The following LRIG3 variants were observed in gnomAD, a reference collection of about 807,000 sequenced individuals.
The protein encoded by LRIG3 is leucine-rich repeats and immunoglobulin-like domains protein 3.
In LRIG3, 76 loss-of-function variants were observed where a neutral mutation model predicts 114.5. The ratio of observed to expected loss-of-function variants is 0.66; its 90% CI spans 0.55 to 0.80. The LOEUF is 0.80. Among genes scored for constraint, LRIG3 ranks in the 30% least tolerant of loss-of-function variants. LRIG3 has a pLI of 0.00. For synonymous variants in LRIG3, 512 were observed against 519.8 expected, an observed-to-expected ratio of 0.98 and a Z score of 0.20; for missense variants, 1,239 against 1,382.8, an observed-to-expected ratio of 0.90 and a Z score of 1.65.
chr12:58,884,957 T>G (rs994489219), intron 10 of LRIG3, among the ~76,000 whole-genome samples: 1 of 152,208 alleles, frequency 6.6e-6, no homozygotes, highest in Non-Finnish European at 1.5e-5. Flanking sequence ...TTGGTTCCCT[T>G]AGTTAAAACA....
chr12:58,889,108 G>T (rs866117504), intron 5 of LRIG3, 146 bp from the exon 6 acceptor site: 3 of 781,300 alleles, frequency 3.8e-6, no homozygotes, highest in Admixed American at 3.0e-5. Flanking sequence ...TTATTGCAAA[G>T]AATTTCAATT....
chr12:58,895,862 T>C (rs1053062292), intron 3 of LRIG3, among the ~76,000 whole-genome samples: 2 of 152,166 alleles, frequency 1.3e-5, no homozygotes, highest in African/African-American at 2.4e-5. Flanking sequence ...ACACTTCCTC[T>C]GGTTTCCAGG....
At chr12:58,903,465 G>A (rs1245091945) in intron 3 of LRIG3, among the ~76,000 whole-genome samples, 1 of 152,050 alleles carries the variant, frequency 6.6e-6, no homozygotes, top group Non-Finnish European at 1.5e-5. Flanking sequence ...CTGGATATTA[G>A]CCCTTTGTCA....
chr12:58,876,906 G>C (rs1385107470), intron 15 of LRIG3, among the ~76,000 whole-genome samples: 2 of 152,218 alleles, frequency 1.3e-5, no homozygotes, highest in Non-Finnish European at 2.9e-5. Context: ...TCATGGGACA[G>C]TATCTAAGCT....
chr12:58,876,484 A>C lies in LRIG3; in HGVS notation c.2656T>G (p.Ser886Ala), dbSNP rs1012794883. 3.1e-6 allele frequency: 5 copies of C among 1,614,026 alleles called. No homozygotes were observed. ...TGTGGTAAGAAAAATCCAGCACCTGAAGATGTGACAAACTGGTGGTGGCTT... is the reference window on the plus strand; with the variant it reads ...TGTGGTAAGAAAAATCCAGCACCTGCAGATGTGACAAACTGGTGGTGGCTT... Reference protein sequence around the residue: ...SGSHHQFVTSSGAGFFLPQHD... With the variant: ...SGSHHQFVTSAGAGFFLPQHD... Residue 886 changes from serine to alanine, a missense_variant, in exon 16 of 19, where the codon TCA (serine) becomes GCA (alanine). Physicochemically the swap from Ser to Ala is moderately conservative, Grantham distance 99 (BLOSUM62 1). Transcript: ENST00000320743.
intron 3 of LRIG3, among the ~76,000 whole-genome samples, chr12:58,905,160 T>A (rs1227312107): frequency 1.3e-5 from 2 of 152,116 alleles, no homozygotes; most frequent in African/African-American, 2.4e-5. Context: ...TTGAGAAGGA[T>A]TTTTTTCTTC....
intron 3 of LRIG3, among the ~76,000 whole-genome samples, chr12:58,897,985 T>C (rs971054173): frequency 1.3e-5 from 2 of 152,166 alleles, no homozygotes; most frequent in African/African-American, 4.8e-5. Context: ...ATAAAACGAA[T>C]GGGTACAAGA....
At chr12:58,898,263 T>C (rs984743458) in intron 3 of LRIG3, among the ~76,000 whole-genome samples, 2 of 152,162 alleles carry the variant, frequency 1.3e-5, no homozygotes, top group Non-Finnish European at 2.9e-5. Flanking sequence ...ATCTACTACG[T>C]TTTTGTGAAC....
chr12:58,907,897 T>A (rs894691785), intron 3 of LRIG3, among the ~76,000 whole-genome samples: 2 of 152,082 alleles, frequency 1.3e-5, no homozygotes, highest in Admixed American at 6.6e-5. Flanking sequence ...AAGATAAAAG[T>A]TGGACCCTGG....
rs1047639600 is a variant in LRIG3 at position 58,909,067 on chromosome 12, A to T, written c.383+4915T>A. Among the ~76,000 whole-genome samples, 57 of 152,292 alleles carry T rather than the reference A, an allele frequency of 3.7e-4. 1 individual carries two copies. Among genetic ancestry groups the T allele is most frequent in the African/African-American group, 1.3e-3 (54 of 41,560 alleles). On this transcript the variant is annotated intron_variant, in intron 3 of 18. Coordinates refer to ENST00000320743, the MANE Select transcript of LRIG3 (RefSeq NM_153377.5). Reference sequence around the variant, plus strand: ...CTCCCTCACTTTCAGTCCCTGATTCAAGTATCTTCCTCCTGGCAAGCCTTT... The same window carrying T: ...CTCCCTCACTTTCAGTCCCTGATTCTAGTATCTTCCTCCTGGCAAGCCTTT...
At chr12:58,874,847 C>T (rs2120866920) in intron 16 of LRIG3, among the ~76,000 whole-genome samples, 1 of 152,332 alleles carries the variant, frequency 6.6e-6, no homozygotes, top group Non-Finnish European at 1.5e-5. Flanking sequence ...GTCTAAACCA[C>T]ATACCATCAG....
At chr12:58,904,856 T>C (rs1436288482) in intron 3 of LRIG3, among the ~76,000 whole-genome samples, 1 of 152,174 alleles carries the variant, frequency 6.6e-6, no homozygotes, top group Non-Finnish European at 1.5e-5. Context: ...TAAAATTTCA[T>C]TTTGGTGGGG....
chr12:58,908,687 T>C (rs748696646), intron 3 of LRIG3, among the ~76,000 whole-genome samples: 10 of 152,240 alleles, frequency 6.6e-5, no homozygotes, highest in Non-Finnish European at 1.0e-4. Context: ...AGGTATGCTG[T>C]TGCCACTGTA....
chr12:58,896,504 T>A (rs566021895), intron 3 of LRIG3, among the ~76,000 whole-genome samples: 1 of 152,300 alleles, frequency 6.6e-6, no homozygotes, highest in East Asian at 1.9e-4. Context: ...ATAATGTATA[T>A]CTGTCAATAG....
In LRIG3 at chr12:58,872,724, T is replaced by G. The variant is rs367645986; in HGVS notation, c.3208A>C (p.Lys1070Gln). Residue 1070 changes from lysine to glutamine, a missense_variant, in exon 19 of 19, where the codon AAA (lysine) becomes CAA (glutamine). Coordinates refer to ENST00000320743, the MANE Select transcript of LRIG3 (RefSeq NM_153377.5). ...SDCQPRAFYL[K>Q]AHSSPDLDSG... ...TCCAAGTCTGGGGAAGAATGAGCTT[T>G]CAAATAAAAGGCTCTTGGCTGACAA... The G allele has an allele frequency of 6.2e-7, 1 of 1,614,130 alleles. No individual in the cohort carries two copies. Among genetic ancestry groups the G allele is most frequent in the Non-Finnish European group, 8.5e-7 (1 of 1,179,994 alleles).
chr12:58,890,760 A>G lies in LRIG3; in HGVS notation c.420T>C (p.His140=). 6.2e-7 allele frequency: 1 copy of G among 1,606,982 alleles called. No homozygotes were observed. Residue 140 remains histidine, a synonymous_variant, in exon 4 of 19, where the codon CAT becomes CAC. Coordinates refer to ENST00000320743, the MANE Select transcript of LRIG3 (RefSeq NM_153377.5). ...GNRIVEILPE[H]LKEFQSLETL... ...TTTCAAGGGACTGAAACTCTTTCAG[A>G]TGTTCAGGGAGTATTTCAACAATCC... is the stretch of plus-strand genomic sequence containing the variant.
At position 58,877,709 on chromosome 12, in the gene LRIG3, G is replaced by A. The variant is rs1373824046; in HGVS notation, c.2227C>T (p.His743Tyr). 4 of 1,614,060 alleles carry A rather than the reference G, an allele frequency of 2.5e-6. No homozygotes were observed. In the African/African-American group the frequency reaches 5.3e-5, roughly 22 times the overall value. Residue 743 changes from histidine to tyrosine, a missense_variant, in exon 15 of 19, where the codon CAC becomes TAC. By Grantham distance (83) the His-to-Tyr change is moderately conservative. Transcript: ENST00000320743. ...AGCTGATTGCCTGCTGCAAAAAAGTGCCTCTCGGTTACCACCAATGGGCTA... is the reference window on the plus strand; with the variant it reads ...AGCTGATTGCCTGCTGCAAAAAAGTACCTCTCGGTTACCACCAATGGGCTA... ...DDSPLVVTERHFFAAGNQLLI... is the reference protein window; with the variant it reads ...DDSPLVVTERYFFAAGNQLLI...
intron 7 of LRIG3, among the ~76,000 whole-genome samples, 168 bp downstream of exon 7, chr12:58,888,161 G>A (rs1871337137): frequency 6.6e-6 from 1 of 152,144 alleles, no homozygotes; most frequent in Non-Finnish European, 1.5e-5. Context: ...TGCAACAGTA[G>A]AACTGGCTTC....
intron 16 of LRIG3, 57 bp from the exon 17 acceptor site, chr12:58,874,630 T>G: frequency 6.3e-7 from 1 of 1,598,258 alleles, no homozygotes; most frequent in South Asian, 1.1e-5. Context: ...TTCAACATTC[T>G]CCCCAGTTTT....
Sources: allele counts gnomAD v4.1 joint callset (sites outside exome capture counted in the v4.1 genomes callset), GRCh38; gene constraint gnomAD v4.1.1; transcripts MANE v1.5; gene names NCBI Gene and HGNC (gene_info 2026-07-23, HGNC 2026-07-21).